The following ST8SIA2 variants were observed in gnomAD, a reference collection of about 807,000 sequenced individuals.
The protein encoded by ST8SIA2 is alpha-2,8-sialyltransferase 8B.
Under a neutral mutation model 37.6 loss-of-function variants are expected in ST8SIA2, and 22 were observed. The observed-to-expected ratio is 0.58, with a 90% CI of 0.42 to 0.83. The LOEUF (loss-of-function observed/expected upper bound fraction) is 0.83. Among genes scored for constraint, ST8SIA2 ranks in the 40% least tolerant of loss-of-function variants. The pLI is 0.00. For synonymous variants in ST8SIA2, 205 were observed against 201.2 expected (o/e 1.02, Z -0.16); for missense variants, 382 against 484.7 (o/e 0.79, Z 1.99).
intron 2 of ST8SIA2, among the ~76,000 whole-genome samples, chr15:92,433,132 A>G (rs1181389510): frequency 1.4e-5 from 2 of 147,820 alleles, no homozygotes; most frequent in East Asian, 1.9e-4. Context: ...TCTGTCTCCA[A>G]AAAAAAAAAA....
intron 1 of ST8SIA2, among the ~76,000 whole-genome samples, chr15:92,409,898 T>G (rs1184574498): frequency 3.3e-5 from 5 of 152,204 alleles, no homozygotes; most frequent in Non-Finnish European, 7.3e-5. Context: ...CTGTGCTGAG[T>G]GCTGGCGACT....
chr15:92,394,467 C>T (rs2049414534), intron 1 of ST8SIA2, among the ~76,000 whole-genome samples: 1 of 152,092 alleles, frequency 6.6e-6, no homozygotes, highest in South Asian at 2.1e-4. Flanking sequence ...AGCGCAGTGT[C>T]GCCGGGGTCG....
intron 1 of ST8SIA2, among the ~76,000 whole-genome samples, chr15:92,409,524 G>GA (rs2049534046): frequency 4.1e-5 from 3 of 73,210 alleles, no homozygotes; most frequent in Admixed American, 1.6e-4. Flanking sequence ...CTTTTGTTCT[G>GA]CTTTTTTCAT....
At chr15:92,402,530 A>T (rs1427199611) in intron 1 of ST8SIA2, among the ~76,000 whole-genome samples, 1 of 152,184 alleles carries the variant, frequency 6.6e-6, no homozygotes, top group African/African-American at 2.4e-5. Context: ...AGTGGGGAAG[A>T]GATGCGTGCT....
intron 3 of ST8SIA2, among the ~76,000 whole-genome samples, chr15:92,437,692 C>T (rs114631306): frequency 0.017 from 2,641 of 152,116 alleles, 81 homozygotes; most frequent in African/African-American, 0.059. Context: ...AGTATCCATC[C>T]CCCCAGAAAG....
intron 1 of ST8SIA2, chr15:92,420,793 A>C (rs1470419480): frequency 1.3e-5 from 2 of 152,246 alleles, no homozygotes; most frequent in Non-Finnish European, 2.9e-5. Flanking sequence ...AAACAACACT[A>C]TCAAGGCTGA....
chr15:92,449,631 A>G (rs541545776), intron 5 of ST8SIA2, among the ~76,000 whole-genome samples: 1 of 152,180 alleles, frequency 6.6e-6, no homozygotes, highest in Non-Finnish European at 1.5e-5. Flanking sequence ...ATATATAAGC[A>G]TTCTCTTTTC....
At chr15:92,461,462 A>AC (rs2049957288) in intron 5 of ST8SIA2, among the ~76,000 whole-genome samples, 1 of 152,200 alleles carries the variant, frequency 6.6e-6, no homozygotes, top group African/African-American at 2.4e-5. Context: ...ACCTTCCAGG[A>AC]CCCCAGAGCT....
intron 5 of ST8SIA2, 43 bp downstream of exon 5, chr15:92,444,972 TG>T (rs1372702952): frequency 6.2e-7 from 1 of 1,601,228 alleles, no homozygotes; most frequent in Non-Finnish European, 8.5e-7. Flanking sequence ...TCACTAAGTG[TG>T]GGAGATTCTT....
rs2049867119 is a variant in ST8SIA2 at position 92,449,529 on chromosome 15, A to G, written c.842+4600A>G. Among the ~76,000 whole-genome samples the G allele has an allele frequency of 2.0e-5, 3 of 152,214 alleles. No individual in the cohort carries two copies. In the South Asian group the frequency reaches 6.2e-4, roughly 32 times the overall value. ...TTTTCTTTTGGATACTCATCCAGTA[A>G]TGGGATTGCTGGGTGGAATAGTAGT... On this transcript the variant is annotated intron_variant, in intron 5 of 5. Coordinates refer to ENST00000268164, the MANE Select transcript of ST8SIA2 (RefSeq NM_006011.4).
At chr15:92,437,930 A>C (rs1038580151) in intron 3 of ST8SIA2, among the ~76,000 whole-genome samples, 1 of 152,168 alleles carries the variant, frequency 6.6e-6, no homozygotes, top group East Asian at 1.9e-4. Flanking sequence ...AGGGTAATGT[A>C]AGCTCACCAA....
rs777824501 is a variant in ST8SIA2 at position 92,464,228 on chromosome 15, A to G, written c.971A>G (p.Gln324Arg). 10 of 1,614,000 alleles carry G rather than the reference A, an allele frequency of 6.2e-6. No homozygotes were observed. In the African/African-American group the frequency reaches 6.7e-5, roughly 11 times the overall value. The change falls in exon 6 of 6, where the codon CAG (glutamine) becomes CGG (arginine). Residue 324 changes from glutamine to arginine, a missense_variant. Transcript: ENST00000268164. ...TGGCCCTTTCCGCTGGATCAGAACCAGAACCCAGTCAAGTACCACTATTAT... is the reference window on the plus strand; with the variant it reads ...TGGCCCTTTCCGCTGGATCAGAACCGGAACCCAGTCAAGTACCACTATTAT... ...GFWPFPLDQNQNPVKYHYYDS... is the reference protein window; with the variant it reads ...GFWPFPLDQNRNPVKYHYYDS...
At chr15:92,398,876 GTTC>G (rs1395698216) in intron 1 of ST8SIA2, among the ~76,000 whole-genome samples, 2 of 152,136 alleles carry the variant, frequency 1.3e-5, no homozygotes, top group Admixed American at 6.5e-5. Context: ...ATCCCCAGTG[GTTC>G]TTCTAAAGGC....
At chr15:92,434,488 C>A in intron 3 of ST8SIA2, 113 bp downstream of exon 3, 3 of 1,478,420 alleles carry the variant, frequency 2.0e-6, no homozygotes, top group Non-Finnish European at 2.8e-6. Flanking sequence ...TGTTTACCTC[C>A]CACTGAGGCA....
chr15:92,445,600 G>A (rs1202329314), intron 5 of ST8SIA2, among the ~76,000 whole-genome samples: 1 of 152,158 alleles, frequency 6.6e-6, no homozygotes, highest in Non-Finnish European at 1.5e-5. Flanking sequence ...CTCTAAGATG[G>A]AGGGGAACTT....
chr15:92,403,127 A>G (rs1466063951), intron 1 of ST8SIA2, among the ~76,000 whole-genome samples: 1 of 152,140 alleles, frequency 6.6e-6, no homozygotes, highest in East Asian at 1.9e-4. Context: ...GCTCACATGT[A>G]TCACCTCACT....
chr15:92,394,185 G>A (rs754346602), intron 1 of ST8SIA2, 23 bp downstream of exon 1: 18 of 1,541,802 alleles, frequency 1.2e-5, no homozygotes, highest in Non-Finnish European at 1.4e-5. Context: ...TCCCAGGCCC[G>A]TGCCACGAGC....
intron 5 of ST8SIA2, among the ~76,000 whole-genome samples, chr15:92,450,153 C>A (rs1418362788): frequency 1.3e-5 from 2 of 152,178 alleles, no homozygotes. Flanking sequence ...GACAATCTAT[C>A]AAGGCACTCA....
chr15:92,424,233 G>A (rs2049657759), intron 1 of ST8SIA2, among the ~76,000 whole-genome samples: 1 of 152,190 alleles, frequency 6.6e-6, no homozygotes, highest in African/African-American at 2.4e-5. Context: ...ACTCTCCCAT[G>A]AGAAACTGTA....
Sources: gnomAD v4.1 joint callset for allele counts (sites outside exome capture counted in the v4.1 genomes callset) on GRCh38, gnomAD v4.1.1 for gene constraint, MANE v1.5 for transcripts, NCBI Gene and HGNC (gene_info 2026-07-23, HGNC 2026-07-21) for gene names.